Variants in PCDHA12 observed in about 807,000 individuals in gnomAD.
The protein encoded by PCDHA12 is protocadherin alpha-12.
PCDHA12 carries 44 observed loss-of-function variants against 60.0 expected under a neutral mutation model. That is an observed-to-expected ratio of 0.73 (90% CI 0.58 to 0.94). The LOEUF is 0.94. Among genes scored for constraint, PCDHA12 ranks in the 40% least tolerant of loss-of-function variants. The pLI is 0.00. For synonymous variants in PCDHA12, 569 were observed against 553.0 expected (o/e 1.03, Z -0.40); for missense variants, 1,276 against 1,239.7 (o/e 1.03, Z -0.44).
chr5:140,985,338 A>G (rs2153836548), intron 3 of PCDHA12, among the ~76,000 whole-genome samples: 1 of 152,280 alleles, frequency 6.6e-6, no homozygotes, highest in South Asian at 2.1e-4. Flanking sequence ...TCTCATTTGC[A>G]GGCCCAGATA....
intron 1 of PCDHA12, chr5:140,966,382 G>C (rs1188243032): frequency 5.0e-6 from 2 of 403,766 alleles, no homozygotes; most frequent in Non-Finnish European, 4.3e-6. Flanking sequence ...GTCCGGGTTC[G>C]CTGTCCGCCA....
At chr5:140,928,194 A>G in intron 1 of PCDHA12, 2 of 1,614,204 alleles carry the variant, frequency 1.2e-6, no homozygotes, top group East Asian at 2.2e-5. Context: ...TCACTGTGTC[A>G]GTTGCTGATG....
chr5:140,895,772 C>T (rs1554186642), intron 1 of PCDHA12, among the ~76,000 whole-genome samples: 1 of 152,072 alleles, frequency 6.6e-6, no homozygotes, highest in Non-Finnish European at 1.5e-5. Flanking sequence ...TTTATGGCTG[C>T]ATAGTATTCA....
At chr5:140,954,119 C>A (rs547590061) in intron 1 of PCDHA12, among the ~76,000 whole-genome samples, 1 of 152,274 alleles carries the variant, frequency 6.6e-6, no homozygotes, top group African/African-American at 2.4e-5. Flanking sequence ...AGATCTTGTT[C>A]CTTTTTATGG....
intron 3 of PCDHA12, among the ~76,000 whole-genome samples, chr5:141,006,808 A>T (rs576819521): frequency 1.3e-5 from 2 of 152,322 alleles, no homozygotes; most frequent in East Asian, 3.9e-4. Flanking sequence ...TTCTGGCTTG[A>T]GAAATGGGGT....
At position 140,876,549 on chromosome 5, in the gene PCDHA12, G is replaced by A; in HGVS notation, c.1077G>A (p.Val359=). The A allele has an allele frequency of 1.2e-6, 2 of 1,614,206 alleles. No homozygotes were observed. The highest frequency in any genetic ancestry group is 1.7e-6 in the Non-Finnish European group (2 of 1,180,044). ...EVMVTSLSLP[V]QEDAQVGTVI... ...TGGTTACTTCACTGTCGCTCCCTGT[G>A]CAAGAGGATGCTCAGGTGGGTACCG... is the stretch of plus-strand genomic sequence containing the variant. The change falls in exon 1 of 4, where the codon GTG becomes GTA. Residue 359 remains valine, a synonymous_variant. Transcript: ENST00000398631.
chr5:140,928,939 T>C (rs367874769), intron 1 of PCDHA12: 1 of 1,614,130 alleles, frequency 6.2e-7, no homozygotes, highest in Non-Finnish European at 8.5e-7. Context: ...CCAGAACTTG[T>C]ATTTAGTAAT....
intron 1 of PCDHA12, among the ~76,000 whole-genome samples, chr5:140,918,244 T>C (rs1554198493): frequency 6.6e-6 from 1 of 152,236 alleles, no homozygotes; most frequent in South Asian, 2.1e-4. Flanking sequence ...TGATTTTGTA[T>C]GCTGAAACTT....
At chr5:140,877,935 C>A (rs1184618592) in intron 1 of PCDHA12, 96 bp downstream of exon 1, 28 of 1,388,566 alleles carry the variant, frequency 2.0e-5, no homozygotes, top group Admixed American at 3.0e-5. Context: ...TGATTCTATC[C>A]TTTAAACTAT....
intron 1 of PCDHA12, chr5:140,884,703 A>C: frequency 1.3e-6 from 2 of 1,495,534 alleles, no homozygotes; most frequent in Non-Finnish European, 1.8e-6. Flanking sequence ...TAAACACTTT[A>C]GCCTTCCTTG....
intron 1 of PCDHA12, chr5:140,928,082 T>C: frequency 1.2e-6 from 2 of 1,614,212 alleles, no homozygotes. Context: ...TACTACAGCC[T>C]GCTGATTGAT....
At chr5:140,996,922 A>T (rs2097752714) in intron 3 of PCDHA12, among the ~76,000 whole-genome samples, 1 of 152,198 alleles carries the variant, frequency 6.6e-6, no homozygotes, top group African/African-American at 2.4e-5. Flanking sequence ...AATATTAAAA[A>T]ATATAGCATT....
In PCDHA12 at chr5:140,972,940, A is replaced by G. The variant is rs148421479; in HGVS notation, c.2368-6009A>G. The stretch of plus-strand genomic sequence containing the variant: ...GCCTCCCAAAGTGCTGGGATTACAG[A>G]TGTGAGCCACCATGCCCGGCAAAGG... On this transcript the variant is annotated intron_variant, in intron 1 of 3. Coordinates refer to ENST00000398631, the MANE Select transcript of PCDHA12 (RefSeq NM_018903.4). Among the ~76,000 whole-genome samples the G allele has an allele frequency of 9.4e-3, 1,423 of 152,078 alleles. 26 individuals are homozygous for G. The highest frequency in any genetic ancestry group is 0.032 in the African/African-American group (1,334 of 41,472).
At chr5:140,980,623 T>C (rs1554242045) in intron 2 of PCDHA12, among the ~76,000 whole-genome samples, 1 of 152,102 alleles carries the variant, frequency 6.6e-6, no homozygotes, top group African/African-American at 2.4e-5. Flanking sequence ...TGCGAGACTC[T>C]GTCTCAGAAG....
At chr5:140,892,236 C>T (rs1490048562) in intron 1 of PCDHA12, among the ~76,000 whole-genome samples, 3 of 152,140 alleles carry the variant, frequency 2.0e-5, no homozygotes, top group African/African-American at 7.2e-5. Context: ...TTTGTCTCCA[C>T]ATAAACCTGG....
chr5:140,987,481 G>T (rs1244029095), intron 3 of PCDHA12, among the ~76,000 whole-genome samples: 1 of 152,170 alleles, frequency 6.6e-6, no homozygotes, highest in Non-Finnish European at 1.5e-5. Flanking sequence ...TTGGGAGTCA[G>T]TGACCCTTTC....
rs1173514822 is a variant in PCDHA12, at chr5:140,875,357, C to G, written c.-116C>G. 1 of 1,446,594 alleles carries G rather than the reference C, an allele frequency of 6.9e-7. No individual in the cohort carries two copies. The highest frequency in any genetic ancestry group is 9.1e-7 in the Non-Finnish European group (1 of 1,101,828). The allele number at this position is 1,446,594 out of a possible 1,614,324, so 89.6% of individuals were successfully genotyped here. A position where few individuals can be genotyped will look rare whatever the true frequency, so the allele number is the denominator to read the frequency against. On this transcript the variant is annotated 5_prime_UTR_variant, in exon 1 of 4. Transcript: ENST00000398631. ...GATCGACTCCATAATGACTGTGATG[C>G]TGGAAAAAATTTACTAAATATGTAC...
chr5:140,925,027 C>A (rs1238112043), intron 1 of PCDHA12, among the ~76,000 whole-genome samples: 1 of 151,680 alleles, frequency 6.6e-6, no homozygotes, highest in Non-Finnish European at 1.5e-5. Flanking sequence ...GGGAGGATCG[C>A]TTGAGCCCAG....
chr5:140,882,886 G>C, intron 1 of PCDHA12: 1 of 1,614,200 alleles, frequency 6.2e-7, no homozygotes, highest in Non-Finnish European at 8.5e-7. Context: ...AGGAAATTCA[G>C]GAACATAGTT....
Sources: allele counts gnomAD v4.1 joint callset (sites outside exome capture counted in the v4.1 genomes callset), GRCh38; gene constraint gnomAD v4.1.1; transcripts MANE v1.5; gene names NCBI Gene and HGNC (gene_info 2026-07-23, HGNC 2026-07-21).